Variants in SAMMSON observed in about 807,000 individuals in gnomAD.
SAMMSON encodes long intergenic non-protein coding RNA 1212.
chr3:70,227,696 T>A, intron 4 of SAMMSON, among the ~76,000 whole-genome samples: 1 of 152,218 alleles, frequency 6.6e-6, no homozygotes, highest in East Asian at 1.9e-4. Flanking sequence ...AGATGCCAGA[T>A]AGTGTTCTGA....
At chr3:70,208,413 A>G (rs1013170411) in intron 4 of SAMMSON, among the ~76,000 whole-genome samples, 2 of 152,200 alleles carry the variant, frequency 1.3e-5, no homozygotes, top group African/African-American at 2.4e-5. Flanking sequence ...TTTAGGGCCA[A>G]TGGAAATGTC....
At chr3:70,049,891 C>T (rs2067139985) in intron 3 of SAMMSON, among the ~76,000 whole-genome samples, 1 of 152,036 alleles carries the variant, frequency 6.6e-6, no homozygotes, top group African/African-American at 2.4e-5. Context: ...TTTACCCCAG[C>T]TGAAAACGTG....
chr3:70,274,082 T>TGC (rs1701998950), intron 6 of SAMMSON, among the ~76,000 whole-genome samples: 2 of 149,454 alleles, frequency 1.3e-5, no homozygotes, highest in South Asian at 2.2e-4. Flanking sequence ...TGTGTGTGTG[T>TGC]GTGTGTGTGC....
At chr3:70,395,334 T>C (rs913958613) in intron 2 of SAMMSON, among the ~76,000 whole-genome samples, 20 of 145,770 alleles carry the variant, frequency 1.4e-4, no homozygotes, top group Middle Eastern at 3.4e-3. Flanking sequence ...TCTCTCTCTT[T>C]TTTTTTTTTT....
At chr3:70,142,826 C>G (rs1162419206) in intron 4 of SAMMSON, among the ~76,000 whole-genome samples, 1 of 152,224 alleles carries the variant, frequency 6.6e-6, no homozygotes, top group Admixed American at 6.6e-5. Context: ...AGCTCCTGCC[C>G]CAGCCAAATC....
chr3:70,096,937 A>G (rs559481853), intron 4 of SAMMSON, among the ~76,000 whole-genome samples: 77 of 152,292 alleles, frequency 5.1e-4, no homozygotes, highest in Middle Eastern at 3.4e-3. Context: ...AGCTTGTGAC[A>G]TTTTCTGAAT....
At chr3:70,220,278 TCTTGAGG>T (rs2106736216) in intron 4 of SAMMSON, among the ~76,000 whole-genome samples, 1 of 152,164 alleles carries the variant, frequency 6.6e-6, no homozygotes, top group African/African-American at 2.4e-5. Context: ...AAAAAAACTT[TCTTGAGG>T]CTAGGCTCAG....
At chr3:70,396,182 G>A (rs1474376456) in intron 2 of SAMMSON, among the ~76,000 whole-genome samples, 1 of 151,816 alleles carries the variant, frequency 6.6e-6, no homozygotes, top group African/African-American at 2.4e-5. Flanking sequence ...ATATATGAAA[G>A]AAAAAAGAAT....
chr3:70,088,006 C>T (rs910864985), intron 4 of SAMMSON, among the ~76,000 whole-genome samples: 3 of 152,092 alleles, frequency 2.0e-5, no homozygotes, highest in African/African-American at 7.2e-5. Flanking sequence ...GAGAGCATTG[C>T]TTAAGGTGTG....
At chr3:70,210,073 G>C (rs1020327860) in intron 4 of SAMMSON, among the ~76,000 whole-genome samples, 2 of 152,028 alleles carry the variant, frequency 1.3e-5, no homozygotes, top group African/African-American at 4.8e-5. Flanking sequence ...AATTGCTTTT[G>C]CACAAAGTAA....
intron 4 of SAMMSON, chr3:70,084,727 C>T (rs2067279489): frequency 6.6e-6 from 1 of 152,172 alleles, no homozygotes; most frequent in African/African-American, 2.4e-5. Flanking sequence ...TACTTGCAGA[C>T]AACAGCAGCA....
chr3:70,258,671 CTA>C (rs1701839875), intron 6 of SAMMSON, among the ~76,000 whole-genome samples: 1 of 152,070 alleles, frequency 6.6e-6, no homozygotes, highest in South Asian at 2.1e-4. Flanking sequence ...TAAAAAGAAA[CTA>C]TGCAGTCAAA....
At chr3:70,014,612 G>C (rs2066973686) in intron 3 of SAMMSON, 1 of 152,160 alleles carries the variant, frequency 6.6e-6, no homozygotes, top group Non-Finnish European at 1.5e-5. Context: ...ACCTGCCTGT[G>C]CCTATCTACT....
intron 7 of SAMMSON, among the ~76,000 whole-genome samples, chr3:70,352,951 C>A (rs1045552344): frequency 1.3e-5 from 2 of 151,814 alleles, no homozygotes; most frequent in African/African-American, 4.8e-5. Context: ...TGACTTTTGA[C>A]AAAGATAAAT....
chr3:70,165,478 G>A (rs2067633213), intron 4 of SAMMSON, among the ~76,000 whole-genome samples: 1 of 151,980 alleles, frequency 6.6e-6, no homozygotes, highest in African/African-American at 2.4e-5. Context: ...CTATGAACCA[G>A]ATGAGCAGCG....
chr3:70,246,561 A>C (rs1220476951), intron 4 of SAMMSON, among the ~76,000 whole-genome samples: 1 of 152,128 alleles, frequency 6.6e-6, no homozygotes, highest in African/African-American at 2.4e-5. Context: ...CAGTTAAATA[A>C]TGAATCAGTT....
intron 4 of SAMMSON, among the ~76,000 whole-genome samples, chr3:70,226,213 A>G (rs1318718416): frequency 6.6e-6 from 1 of 152,190 alleles, no homozygotes; most frequent in Non-Finnish European, 1.5e-5. Flanking sequence ...AGTGCCAGGC[A>G]ATATACTAGC....
intron 4 of SAMMSON, among the ~76,000 whole-genome samples, chr3:70,201,772 C>A (rs1247732668): frequency 6.6e-6 from 1 of 152,170 alleles, no homozygotes; most frequent in Non-Finnish European, 1.5e-5. Context: ...GGCCTGCTTC[C>A]CTCTCCATTC....
At chr3:70,353,304 G>T (rs1440765456) in intron 7 of SAMMSON, among the ~76,000 whole-genome samples, 2 of 151,490 alleles carry the variant, frequency 1.3e-5, no homozygotes, top group African/African-American at 4.9e-5. Context: ...TACTTACTGA[G>T]AGAGAATGTT....
Sources: gnomAD v4.1 joint callset for allele counts (sites outside exome capture counted in the v4.1 genomes callset) on GRCh38, gnomAD v4.1.1 for gene constraint, MANE v1.5 for transcripts, NCBI Gene and HGNC (gene_info 2026-07-23, HGNC 2026-07-21) for gene names.